Variants in MAP4K5 observed in about 807,000 individuals in gnomAD.
MAP4K5 encodes MAPK/ERK kinase kinase kinase 5.
A neutral mutation model predicts 135.6 loss-of-function variants in MAP4K5; 82 were observed. The ratio of observed to expected loss-of-function variants is 0.60; its 90% confidence interval spans 0.51 to 0.73. The LOEUF (loss-of-function observed/expected upper bound fraction) is 0.73. Ranked by LOEUF, MAP4K5 falls within the 30% of genes least tolerant of loss-of-function variation. The pLI is 0.00. For synonymous variants in MAP4K5, 347 were observed against 335.0 expected (o/e 1.04, Z -0.39); for missense variants, 907 against 1,010.9 (o/e 0.90, Z 1.39).
At chr14:50,558,662 T>C (rs2038795455) in intron 1 of MAP4K5, among the ~76,000 whole-genome samples, 1 of 152,228 alleles carries the variant, frequency 6.6e-6, no homozygotes, top group Non-Finnish European at 1.5e-5. Context: ...TTTTTGTGTG[T>C]AATCTATTGT....
intron 1 of MAP4K5, among the ~76,000 whole-genome samples, chr14:50,547,700 G>A (rs922351897): frequency 6.6e-6 from 1 of 152,156 alleles, no homozygotes; most frequent in Non-Finnish European, 1.5e-5. Flanking sequence ...AAATGAGGTG[G>A]TGCTGCTTGT....
chr14:50,496,685 A>G (rs2037601277), intron 3 of MAP4K5, among the ~76,000 whole-genome samples: 2 of 151,612 alleles, frequency 1.3e-5, no homozygotes, highest in African/African-American at 4.8e-5. Flanking sequence ...ATTTTTAAAA[A>G]TTTTTGTAAA....
chr14:50,504,650 T>G (rs1429758991), intron 3 of MAP4K5, 150 bp downstream of exon 3: 1 of 610,398 alleles, frequency 1.6e-6, no homozygotes, highest in Non-Finnish European at 2.8e-6. Context: ...CACATCAAAC[T>G]TACCTTTAAC....
At chr14:50,560,299 G>C (rs750638321) in intron 1 of MAP4K5, 3 of 1,613,922 alleles carry the variant, frequency 1.9e-6, no homozygotes, top group Non-Finnish European at 2.5e-6. Flanking sequence ...AAACAGTTGG[G>C]GTGAGTAGCA....
At chr14:50,525,609 A>G (rs1437673924) in intron 2 of MAP4K5, among the ~76,000 whole-genome samples, 2 of 152,086 alleles carry the variant, frequency 1.3e-5, no homozygotes, top group African/African-American at 2.4e-5. Context: ...GCAGAGGTGG[A>G]TGGATTGCTT....
intron 30 of MAP4K5, among the ~76,000 whole-genome samples, chr14:50,427,231 C>T (rs2035867176): frequency 6.6e-6 from 1 of 152,192 alleles, no homozygotes; most frequent in Non-Finnish European, 1.5e-5. Context: ...GTTGAGGTAT[C>T]AGTGTGTTTC....
intron 32 of MAP4K5, among the ~76,000 whole-genome samples, chr14:50,420,594 T>C (rs1381266909): frequency 6.6e-6 from 1 of 152,230 alleles, no homozygotes; most frequent in South Asian, 2.1e-4. Flanking sequence ...ATTGTGCCAC[T>C]GCACTTCAGC....
chr14:50,501,917 T>C lies in MAP4K5; in HGVS notation c.166+2883A>G, dbSNP rs191206176. Among the ~76,000 whole-genome samples, 40 of 152,316 alleles carry C rather than the reference T, an allele frequency of 2.6e-4. 1 individual carries two copies. The highest frequency in any genetic ancestry group is 2.3e-3 in the Admixed American group (35 of 15,294). Reference sequence around the variant, plus strand: ...GCCTTTTTGTTCTCTTCTACATTCCTATCCTCTAGAACAGAGCTTGGCGTA... The same window carrying C: ...GCCTTTTTGTTCTCTTCTACATTCCCATCCTCTAGAACAGAGCTTGGCGTA... On this transcript the variant is annotated intron_variant, in intron 3 of 32. Coordinates refer to ENST00000682126, the MANE Select transcript of MAP4K5 (RefSeq NM_006575.6).
At chr14:50,506,554 C>T (rs1397768688) in intron 2 of MAP4K5, among the ~76,000 whole-genome samples, 4 of 152,198 alleles carry the variant, frequency 2.6e-5, no homozygotes, top group African/African-American at 4.8e-5. Flanking sequence ...AGACGGGTTT[C>T]GCCATGTTGC....
At chr14:50,464,275 G>A in intron 11 of MAP4K5, 142 bp from the exon 12 acceptor site, 19 of 538,906 alleles carry the variant, frequency 3.5e-5, no homozygotes, top group South Asian at 5.3e-5. Context: ...TATATTCCGT[G>A]GAAACATCTG....
intron 13 of MAP4K5, among the ~76,000 whole-genome samples, chr14:50,459,311 G>A (rs545317055): frequency 2.4e-4 from 37 of 152,248 alleles, no homozygotes; most frequent in Non-Finnish European, 4.4e-4. Flanking sequence ...AACTGCTCAA[G>A]TCAAAATCTG....
At chr14:50,541,524 T>C (rs2038559709) in intron 2 of MAP4K5, among the ~76,000 whole-genome samples, 1 of 152,222 alleles carries the variant, frequency 6.6e-6, no homozygotes, top group South Asian at 2.1e-4. Flanking sequence ...TGCTACTCTT[T>C]GACCCATGTA....
intron 13 of MAP4K5, among the ~76,000 whole-genome samples, chr14:50,461,377 T>C (rs1031921279): frequency 6.6e-5 from 10 of 150,540 alleles, no homozygotes; most frequent in Non-Finnish European, 1.5e-4. Context: ...AAACAGGAAA[T>C]AGAAAATTCC....
chr14:50,422,671 G>A (rs2035760375), intron 32 of MAP4K5, among the ~76,000 whole-genome samples: 1 of 151,944 alleles, frequency 6.6e-6, no homozygotes. Context: ...TTTGCAACTT[G>A]TCTTTTATTT....
In MAP4K5 at chr14:50,448,981, A is replaced by ACCC. The variant is rs142610205; in HGVS notation, c.1016-152_1016-150dup. ...TATGTTATTTTTTGACTACAAGAGT[A>ACCC]CCCCTTTGTTATGCTTACCAAAAGT... On this transcript the variant is annotated intron_variant, in intron 14 of 32. Transcript: ENST00000682126. 9.6e-5 allele frequency: 59 copies of ACCC among 612,358 alleles called. No homozygotes were observed. In the African/African-American group the frequency reaches 1.1e-3, roughly 11 times the overall value. 37.9% of individuals were successfully genotyped at this position (612,358 alleles called of 1,614,324 possible).
At position 50,419,401 on chromosome 14, in the gene MAP4K5, T is replaced by C. The variant is rs2035674236; in HGVS notation, c.*618A>G. On this transcript the variant is annotated 3_prime_UTR_variant, in exon 33 of 33. Transcript: ENST00000682126. ...TGTTAAGCAAAATTGCATGTGTGTG[T>C]TGAACCCCCAAACACTCAAAGTACT... 1 of 152,586 alleles carries C rather than the reference T, an allele frequency of 6.6e-6. No homozygotes were observed. The highest frequency in any genetic ancestry group is 1.5e-5 in the Non-Finnish European group (1 of 68,018). The allele number at this position is 152,586 out of a possible 1,614,324, so 9.5% of individuals were successfully genotyped here.
chr14:50,421,475 T>C (rs1161061784), intron 32 of MAP4K5, among the ~76,000 whole-genome samples: 1 of 151,886 alleles, frequency 6.6e-6, no homozygotes, highest in Non-Finnish European at 1.5e-5. Context: ...TTGGTCAGGC[T>C]GGTTTCGAAC....
At chr14:50,510,231 G>A (rs2037903199) in intron 2 of MAP4K5, among the ~76,000 whole-genome samples, 1 of 152,184 alleles carries the variant, frequency 6.6e-6, no homozygotes, top group Admixed American at 6.5e-5. Flanking sequence ...ATGCTTCTCT[G>A]AGAGTTTGGA....
rs751567390 is a variant in MAP4K5, at chr14:50,443,802, ACCT to A, written c.1438-35_1438-33del. 4.4e-6 allele frequency: 7 copies of A among 1,579,890 alleles called. No homozygotes were observed. The African/African-American group carries it at 9.5e-5, about 21-fold the overall frequency. On this transcript the variant is annotated intron_variant, in intron 19 of 32. Coordinates refer to ENST00000682126, the MANE Select transcript of MAP4K5 (RefSeq NM_006575.6). ...GAAAAATAAAATTTACTAGTGTAAG[ACCT>A]CCTAAGTCTTAAAAAGAAACTTGAG... is the stretch of plus-strand genomic sequence containing the variant.
Sources: allele counts gnomAD v4.1 joint callset (sites outside exome capture counted in the v4.1 genomes callset), GRCh38; gene constraint gnomAD v4.1.1; transcripts MANE v1.5; gene names NCBI Gene and HGNC (gene_info 2026-07-23, HGNC 2026-07-21).